Variants in COL22A1 observed in about 807,000 individuals in gnomAD.
COL22A1 encodes the protein collagen type XXII alpha 1 chain, also known as collagen alpha-1(XXII) chain.
COL22A1 carries 221 observed loss-of-function variants against 248.9 expected under a neutral mutation model. The observed-to-expected ratio is 0.89, with a 90% CI of 0.80 to 0.99. COL22A1 has a LOEUF of 0.99. Ranked by LOEUF, COL22A1 falls within the 50% of genes least tolerant of loss-of-function variation. The probability of loss-of-function intolerance (pLI) is 0.00; values close to 1 mark genes in which losing one functional copy is unlikely to be tolerated. For missense variants in COL22A1, 2,240 were observed against 2,179.0 expected (o/e 1.03, Z -0.56); for synonymous variants, 891 against 793.4 (o/e 1.12, Z -2.07).
At chr8:138,874,251 T>A (rs1823546528) in intron 3 of COL22A1, among the ~76,000 whole-genome samples, 1 of 152,230 alleles carries the variant, frequency 6.6e-6, no homozygotes, top group African/African-American at 2.4e-5. Context: ...ATCTTACATC[T>A]AATTTTAGGA....
chr8:138,700,439 A>G (rs1321425087), intron 31 of COL22A1, among the ~76,000 whole-genome samples: 4 of 152,122 alleles, frequency 2.6e-5, no homozygotes, highest in African/African-American at 9.7e-5. Context: ...CCCATCGGTA[A>G]AACGGGAAAG....
chr8:138,901,369 G>T (rs72731664), intron 1 of COL22A1, among the ~76,000 whole-genome samples: 2,107 of 118,512 alleles, frequency 0.018, 27 homozygotes, highest in Middle Eastern at 0.036. Context: ...TTTTTTTTTT[G>T]TTTTTTTTTT....
In COL22A1 at chr8:138,780,945, G is replaced by T; in HGVS notation, c.1632C>A (p.Asp544Glu). The change falls in exon 13 of 65, where the codon GAC becomes GAA. Residue 544 changes from aspartate to glutamate, a missense_variant. Coordinates refer to ENST00000303045, the MANE Select transcript of COL22A1 (RefSeq NM_152888.3). ...AACTTACTCTCATGCCTTTGCTGCC[G>T]TCTCTCCCAGGGGGGCCGGGCAGGC... ...SLGLPGPPGRDGSKGMRGEPG... is the reference protein window; with the variant it reads ...SLGLPGPPGREGSKGMRGEPG... The T allele has an allele frequency of 6.2e-7, 1 of 1,613,302 alleles. No individual in the cohort carries two copies. The highest frequency in any genetic ancestry group is 8.5e-7 in the Non-Finnish European group (1 of 1,179,542).
intron 58 of COL22A1, 143 bp downstream of exon 58, chr8:138,606,238 A>G (rs970737597): frequency 2.1e-5 from 15 of 721,070 alleles, no homozygotes; most frequent in Non-Finnish European, 2.8e-5. Flanking sequence ...CTCTTAAACC[A>G]TGATGCAACT....
rs71316352 is a variant in COL22A1 at position 138,652,735 on chromosome 8, G to GTTTTTTTTTTTTTTTTTTTTTTTTTTTT, written c.3334-2985_3334-2958dup. On this transcript the variant is annotated intron_variant, in intron 45 of 64. Transcript: ENST00000303045. ...TAAAATATTTTCTTTTCCTTTTCTG[G>GTTTTTTTTTTTTTTTTTTTTTTTTTTTT]TTTTTTTTTTTTTTTTTTTTTTTTT... Among the ~76,000 whole-genome samples, 9 of 54,244 alleles carry GTTTTTTTTTTTTTTTTTTTTTTTTTTTT rather than the reference G, an allele frequency of 1.7e-4. 3 individuals carry two copies. The highest frequency in any genetic ancestry group is 3.0e-4 in the African/African-American group (5 of 16,878). 35.6% of individuals were successfully genotyped at this position (54,244 alleles called of 152,430 possible). A position where few individuals can be genotyped will look rare whatever the true frequency, so the allele number is the denominator to read the frequency against.
At chr8:138,730,150 G>A (rs893292655) in intron 23 of COL22A1, among the ~76,000 whole-genome samples, 1 of 152,212 alleles carries the variant, frequency 6.6e-6, no homozygotes, top group Non-Finnish European at 1.5e-5. Flanking sequence ...CAAGGCCCCT[G>A]GACAGTATCT....
At chr8:138,675,515 A>ATCTT in intron 41 of COL22A1, among the ~76,000 whole-genome samples, 1 of 152,186 alleles carries the variant, frequency 6.6e-6, no homozygotes, top group South Asian at 2.1e-4. Context: ...TTGGGTTAAG[A>ATCTT]TAATAGTAAC....
intron 54 of COL22A1, among the ~76,000 whole-genome samples, chr8:138,616,338 G>T (rs1819318767): frequency 6.6e-6 from 1 of 152,212 alleles, no homozygotes; most frequent in Admixed American, 6.5e-5. Flanking sequence ...CTCTTGGAAT[G>T]CTGCCTCCTT....
intron 12 of COL22A1, among the ~76,000 whole-genome samples, chr8:138,785,789 C>T (rs1287304517): frequency 2.0e-5 from 3 of 152,182 alleles, no homozygotes; most frequent in African/African-American, 7.2e-5. Context: ...GATGGGAGCT[C>T]TGTGAGATGT....
intron 32 of COL22A1, among the ~76,000 whole-genome samples, chr8:138,699,319 T>C (rs1827769225): frequency 6.6e-6 from 1 of 152,208 alleles, no homozygotes; most frequent in African/African-American, 2.4e-5. Flanking sequence ...AGGATTCTTT[T>C]AAGCTTTTAA....
chr8:138,829,606 T>C (rs545811637), intron 5 of COL22A1, among the ~76,000 whole-genome samples: 20 of 151,974 alleles, frequency 1.3e-4, no homozygotes, highest in African/African-American at 4.3e-4. Context: ...TTTCAGCTAA[T>C]TTTTTGTATT....
intron 12 of COL22A1, among the ~76,000 whole-genome samples, chr8:138,782,329 C>A (rs1203595205): frequency 6.6e-6 from 1 of 152,230 alleles, no homozygotes; most frequent in Non-Finnish European, 1.5e-5. Context: ...GCAATCCTCC[C>A]ACCTCAGCCT....
At position 138,652,735 on chromosome 8, in the gene COL22A1, GTTTTTTTTTTTTTTTTTT is replaced by G. The variant is rs71316352; in HGVS notation, c.3334-2975_3334-2958del. 5.5e-5 allele frequency among the ~76,000 whole-genome samples: 3 copies of G among 54,284 alleles called. No homozygotes were observed. The East Asian group carries it at 2.5e-3, about 45-fold the overall frequency. The allele number at this position is 54,284 out of a possible 152,430, so 35.6% of individuals were successfully genotyped here. A position where few individuals can be genotyped will look rare whatever the true frequency, so the allele number is the denominator to read the frequency against. ...TAAAATATTTTCTTTTCCTTTTCTGGTTTTTTTTTTTTTTTTTTTTTTTTTTTTGGAGACAGAGTCTTG... is the reference window on the plus strand; with the variant it reads ...TAAAATATTTTCTTTTCCTTTTCTGGTTTTTTTTTTGGAGACAGAGTCTTG... On this transcript the variant is annotated intron_variant, in intron 45 of 64. Transcript: ENST00000303045.
rs979298695 is a variant in COL22A1 at position 138,772,074 on chromosome 8, C to T, written c.1803+3892G>A. Among the ~76,000 whole-genome samples, 3 of 150,488 alleles carry T rather than the reference C, an allele frequency of 2.0e-5. No homozygotes were observed. In the East Asian group the frequency reaches 5.8e-4, roughly 29 times the overall value. On this transcript the variant is annotated intron_variant, in intron 16 of 64. Coordinates refer to ENST00000303045, the MANE Select transcript of COL22A1 (RefSeq NM_152888.3). Reference sequence around the variant, plus strand: ...GTCTCATCCACTCCCAGGGTTTCGTCTAACCCTGAGCGTGGAGTACCCCCT... The same window carrying T: ...GTCTCATCCACTCCCAGGGTTTCGTTTAACCCTGAGCGTGGAGTACCCCCT...
At chr8:138,626,022 C>T (rs1273976583) in intron 51 of COL22A1, among the ~76,000 whole-genome samples, 168 bp downstream of exon 51, 1 of 152,186 alleles carries the variant, frequency 6.6e-6, no homozygotes, top group Non-Finnish European at 1.5e-5. Flanking sequence ...TTTTAGTTGG[C>T]TTTGACTGAT....
chr8:138,652,734 G>GTTTTTTTTTTTTTTTTTTTTT (rs1564146836), intron 45 of COL22A1, among the ~76,000 whole-genome samples: 2 of 45,872 alleles, frequency 4.4e-5, no homozygotes, highest in African/African-American at 9.1e-5. Flanking sequence ...TTCCTTTTCT[G>GTTTTTTTTTTTTTTTTTTTTT]GTTTTTTTTT....
At chr8:138,774,415 CTTTTT>C (rs142280789) in intron 16 of COL22A1, among the ~76,000 whole-genome samples, 1 of 128,086 alleles carries the variant, frequency 7.8e-6, no homozygotes. Flanking sequence ...CAAAAGCATT[CTTTTT>C]TTTTTTTTTT....
chr8:138,593,863 A>G (rs1817292435), intron 63 of COL22A1, among the ~76,000 whole-genome samples, 154 bp downstream of exon 63: 1 of 152,250 alleles, frequency 6.6e-6, no homozygotes, highest in Non-Finnish European at 1.5e-5. Flanking sequence ...TCTTATGCAT[A>G]TGATAAAATT....
At chr8:138,633,671 A>G (rs191572924) in intron 49 of COL22A1, among the ~76,000 whole-genome samples, 2 of 152,340 alleles carry the variant, frequency 1.3e-5, no homozygotes, top group Non-Finnish European at 1.5e-5. Context: ...GCTTAACACT[A>G]ACACCTCTCC....
Sources: gnomAD v4.1 joint callset for allele counts (sites outside exome capture counted in the v4.1 genomes callset) on GRCh38, gnomAD v4.1.1 for gene constraint, MANE v1.5 for transcripts, NCBI Gene and HGNC (gene_info 2026-07-23, HGNC 2026-07-21) for gene names.